The following GRID2 variants were observed in gnomAD, a reference collection of about 807,000 sequenced individuals.
GRID2 encodes the protein glutamate ionotropic receptor delta type subunit 2, also known as glutamate receptor ionotropic, delta-2.
A neutral mutation model predicts 114.8 loss-of-function variants in GRID2; 33 were observed. The ratio of observed to expected loss-of-function variants is 0.29; its 90% CI spans 0.22 to 0.38. The LOEUF is 0.38. GRID2 is among the 10% of genes least tolerant of loss of function. The pLI is 1.00. For synonymous variants in GRID2, 505 were observed against 449.9 expected (o/e 1.12, Z -1.55); for missense variants, 1,184 against 1,257.7 (o/e 0.94, Z 0.89).
chr4:93,069,601 G>C (rs1728633181), intron 2 of GRID2, among the ~76,000 whole-genome samples: 1 of 151,990 alleles, frequency 6.6e-6, no homozygotes, highest in African/African-American at 2.4e-5. Context: ...CAGGTCAAAA[G>C]GTAACCAATT....
chr4:92,723,493 A>G (rs181845313), intron 2 of GRID2, among the ~76,000 whole-genome samples: 2 of 152,298 alleles, frequency 1.3e-5, no homozygotes, highest in African/African-American at 4.8e-5. Context: ...TTAAATATCT[A>G]TCTTGCCTAC....
intron 2 of GRID2, among the ~76,000 whole-genome samples, chr4:92,914,377 A>G (rs913137560): frequency 2.0e-5 from 3 of 152,062 alleles, no homozygotes; most frequent in Non-Finnish European, 4.4e-5. Flanking sequence ...ACATATATCT[A>G]TGTTCTTCAA....
chr4:92,315,993 C>CAAAAAAAAAAAAAAAAAAAAA (rs778361565), intron 1 of GRID2, among the ~76,000 whole-genome samples: 3 of 61,922 alleles, frequency 4.8e-5, no homozygotes, highest in South Asian at 6.6e-4. Context: ...AAACAAAAAG[C>CAAAAAAAAAAAAAAAAAAAAA]AAAAAAAAAA....
chr4:92,342,216 T>C (rs1352312391), intron 1 of GRID2, among the ~76,000 whole-genome samples: 4 of 152,134 alleles, frequency 2.6e-5, no homozygotes, highest in African/African-American at 9.7e-5. Context: ...TACACATATG[T>C]ATGTATATGT....
At chr4:93,275,576 T>G (rs968629491) in intron 8 of GRID2, among the ~76,000 whole-genome samples, 1 of 151,852 alleles carries the variant, frequency 6.6e-6, no homozygotes, top group Non-Finnish European at 1.5e-5. Flanking sequence ...GGGTTCAATT[T>G]CTCCACATCT....
chr4:92,584,778 A>G (rs1297880681), intron 1 of GRID2, among the ~76,000 whole-genome samples: 2 of 152,060 alleles, frequency 1.3e-5, no homozygotes, highest in African/African-American at 2.4e-5. Flanking sequence ...AAAAATGCTT[A>G]AAGTGAAAAA....
intron 2 of GRID2, among the ~76,000 whole-genome samples, chr4:92,794,757 C>T (rs1271691943): frequency 6.6e-6 from 1 of 151,168 alleles, no homozygotes; most frequent in Non-Finnish European, 1.5e-5. Flanking sequence ...GCACTGACAC[C>T]TTGTGCAGTT....
chr4:93,810,269 T>C (rs1028859476), downstream of GRID2: 115 of 152,338 alleles, frequency 7.5e-4, no homozygotes, highest in African/African-American at 2.5e-3. Flanking sequence ...AAACTCTTCC[T>C]TTCCCACAGA....
intron 14 of GRID2, among the ~76,000 whole-genome samples, chr4:93,743,878 T>C (rs1331164861): frequency 6.6e-6 from 1 of 152,028 alleles, no homozygotes; most frequent in Admixed American, 6.6e-5. Flanking sequence ...AGCTAGAGAG[T>C]AGAAGTCAAT....
At chr4:93,676,751 T>C (rs1254324964) in intron 14 of GRID2, among the ~76,000 whole-genome samples, 2 of 127,978 alleles carry the variant, frequency 1.6e-5, no homozygotes, top group African/African-American at 6.0e-5. Flanking sequence ...AAAAAGATAT[T>C]ACAAAAAAAA....
chr4:92,799,884 A>T (rs890566120), intron 2 of GRID2, among the ~76,000 whole-genome samples: 1 of 152,034 alleles, frequency 6.6e-6, no homozygotes, highest in African/African-American at 2.4e-5. Context: ...TAATTAAACA[A>T]TTTTAAGCTT....
intron 2 of GRID2, among the ~76,000 whole-genome samples, chr4:92,998,984 G>A (rs1003066709): frequency 1.1e-4 from 16 of 151,784 alleles, no homozygotes; most frequent in Middle Eastern, 3.4e-3. Flanking sequence ...ATAGCTTGAG[G>A]TCTTTTATTT....
chr4:93,500,289 T>C (rs981593356), intron 12 of GRID2, among the ~76,000 whole-genome samples: 1 of 152,050 alleles, frequency 6.6e-6, no homozygotes, highest in East Asian at 1.9e-4. Context: ...TAGTGTTTAG[T>C]GTAAAGATTA....
intron 1 of GRID2, among the ~76,000 whole-genome samples, chr4:92,364,600 A>AG (rs1228530841): frequency 6.6e-6 from 1 of 152,086 alleles, no homozygotes; most frequent in Non-Finnish European, 1.5e-5. Flanking sequence ...TAGACTTTAA[A>AG]GGGTGAATCA....
chr4:93,788,685 G>A (rs1008059247), intron 1 of GRID2, among the ~76,000 whole-genome samples: 9 of 152,136 alleles, frequency 5.9e-5, no homozygotes, highest in Admixed American at 1.3e-4. Context: ...TCTAAAGGAC[G>A]TTCAAGGGTA....
At chr4:93,070,054 C>T (rs897744494) in intron 2 of GRID2, among the ~76,000 whole-genome samples, 14 of 152,050 alleles carry the variant, frequency 9.2e-5, no homozygotes, top group Non-Finnish European at 1.5e-4. Context: ...TTAGAAGAAA[C>T]ATTACCTTTT....
At chr4:93,354,048 CCAGA>C (rs1761071924) in intron 8 of GRID2, among the ~76,000 whole-genome samples, 1 of 151,296 alleles carries the variant, frequency 6.6e-6, no homozygotes, top group Non-Finnish European at 1.5e-5. Flanking sequence ...CACACATATG[CCAGA>C]CACTGTATTA....
chr4:92,457,256 T>C (rs2149084240), intron 1 of GRID2, among the ~76,000 whole-genome samples: 1 of 152,284 alleles, frequency 6.6e-6, no homozygotes. Context: ...GAAAAATCAC[T>C]GTCTTCTCAT....
At chr4:93,006,137 A>T (rs1426773510) in intron 2 of GRID2, among the ~76,000 whole-genome samples, 1 of 152,098 alleles carries the variant, frequency 6.6e-6, no homozygotes, top group East Asian at 1.9e-4. Context: ...TCTAAAAACC[A>T]TGTAGATTAT....
Sources: gnomAD v4.1 joint callset for allele counts (sites outside exome capture counted in the v4.1 genomes callset) on GRCh38, gnomAD v4.1.1 for gene constraint, MANE v1.5 for transcripts, NCBI Gene and HGNC (gene_info 2026-07-23, HGNC 2026-07-21) for gene names.